NLRP11: variants seen among roughly 807,000 people sequenced by gnomAD.
NLRP11 encodes the protein NLR family pyrin domain containing 11, also known as NACHT, LRR and PYD domains-containing protein 11.
NLRP11 carries 53 observed loss-of-function variants against 79.3 expected under a neutral mutation model. The ratio of observed to expected loss-of-function variants is 0.67; its 90% CI spans 0.54 to 0.84. NLRP11 has a LOEUF of 0.84. Among genes scored for constraint, NLRP11 ranks in the 40% least tolerant of loss-of-function variants. NLRP11 has a pLI of 0.00. For synonymous variants in NLRP11, 518 were observed against 462.6 expected (o/e 1.12, Z -1.54); for missense variants, 1,264 against 1,255.0 (o/e 1.01, Z -0.11).
chr19:55,818,787 C>G (rs973907423), intron 1 of NLRP11, among the ~76,000 whole-genome samples: 1 of 152,034 alleles, frequency 6.6e-6, no homozygotes, highest in Non-Finnish European at 1.5e-5. Flanking sequence ...GAAAAGAAAT[C>G]TAAGTTATGA....
intron 1 of NLRP11, among the ~76,000 whole-genome samples, chr19:55,827,218 G>A (rs113313992): frequency 7.2e-5 from 10 of 139,010 alleles, no homozygotes; most frequent in Non-Finnish European, 9.2e-5. Flanking sequence ...CCATATGTAG[G>A]AAGCTGAAAC....
chr19:55,831,708 TG>T (rs1982804303), intron 1 of NLRP11, among the ~76,000 whole-genome samples: 1 of 151,878 alleles, frequency 6.6e-6, no homozygotes, highest in Non-Finnish European at 1.5e-5. Context: ...AACATCATGC[TG>T]CACACACTAC....
At chr19:55,822,424 T>C (rs972564939) in intron 1 of NLRP11, among the ~76,000 whole-genome samples, 6 of 152,138 alleles carry the variant, frequency 3.9e-5, no homozygotes, top group African/African-American at 1.4e-4. Context: ...GATGGCCGAA[T>C]AGGAACAGCT....
chr19:55,832,870 C>G (rs1181410450), upstream of NLRP11: 1 of 152,168 alleles, frequency 6.6e-6, no homozygotes, highest in East Asian at 1.9e-4. Context: ...CGTCACCACT[C>G]TTATTTCAAC....
At chr19:55,791,224 A>G (rs917089860) in intron 7 of NLRP11, among the ~76,000 whole-genome samples, 1 of 152,188 alleles carries the variant, frequency 6.6e-6, no homozygotes, top group Non-Finnish European at 1.5e-5. Context: ...TCTAACCCCT[A>G]TTCTACAGTA....
intron 9 of NLRP11, 100 bp downstream of exon 9, chr19:55,788,707 T>C: frequency 1.2e-6 from 1 of 832,852 alleles, no homozygotes; most frequent in South Asian, 1.9e-5. Context: ...GCCACTGCAC[T>C]CCAGCCTGGG....
Position 55,809,511 on chromosome 19 carries a change from T to A in NLRP11, c.1099A>T (p.Thr367Ser), listed in dbSNP as rs975138931. 2 of 1,613,894 alleles carry A rather than the reference T, an allele frequency of 1.2e-6. No homozygotes were observed. The highest frequency in any genetic ancestry group is 1.3e-5 in the African/African-American group (1 of 74,836). ...GCAAGAAAGTGGGCATGTAGATCAGTGGGTGTTTGGCAGCAGAGCTGGAAG... is the reference window on the plus strand; with the variant it reads ...GCAAGAAAGTGGGCATGTAGATCAGAGGGTGTTTGGCAGCAGAGCTGGAAG... The change falls in exon 3 of 10, where the codon ACT becomes TCT. Residue 367 changes from threonine (T) to serine (S), a missense_variant. Transcript: ENST00000589093. This position sits in a 1 kb window ranked among gnomAD's most constrained non-coding sequence, Gnocchi z 4.5.
At chr19:55,833,765 C>CA (rs71182919), upstream of NLRP11, among the ~76,000 whole-genome samples, 5,250 of 23,418 alleles carry the variant, frequency 0.22, 1,521 homozygotes, top group Non-Finnish European at 0.31. Flanking sequence ...GACTCCGTCT[C>CA]AAAAAAAAAA....
Position 55,791,306 on chromosome 19 carries a change from T to C in NLRP11, c.2513+995A>G, listed in dbSNP as rs569122122. The stretch of plus-strand genomic sequence containing the variant: ...AAAAAAGGGAGGGTGAGTTATATTA[T>C]TTTCCCCAAGGCAGCTTTCCCTAAA... On this transcript the variant is annotated intron_variant, in intron 7 of 9. Transcript: ENST00000589093. 3.9e-5 allele frequency among the ~76,000 whole-genome samples: 6 copies of C among 152,288 alleles called. No homozygotes were observed. In the South Asian group the frequency reaches 1.2e-3, roughly 32 times the overall value.
chr19:55,785,889 G>A lies in NLRP11; in HGVS notation c.2856-18C>T. 2 of 1,607,876 alleles carry A rather than the reference G, an allele frequency of 1.2e-6. No homozygotes were observed. Among genetic ancestry groups the A allele is most frequent in the South Asian group, 1.1e-5 (1 of 89,868 alleles). On this transcript the variant is annotated intron_variant, in intron 9 of 9. Transcript: ENST00000589093. ...ATGGAAGCCTGAAGGAAAACAGAGA[G>A]AGAACGCCGTTAATGCTACATGTGA...
At chr19:55,795,848 C>CT (rs1368640481) in intron 6 of NLRP11, among the ~76,000 whole-genome samples, 2 of 152,208 alleles carry the variant, frequency 1.3e-5, no homozygotes, top group Non-Finnish European at 2.9e-5. Context: ...TATGACTCCA[C>CT]TGTCCAGATT....
chr19:55,796,792 G>A (rs192492659), intron 5 of NLRP11, among the ~76,000 whole-genome samples: 69 of 151,728 alleles, frequency 4.5e-4, no homozygotes, highest in African/African-American at 9.0e-4. Flanking sequence ...GTTTTTAAGC[G>A]ATTCTCCTGC....
chr19:55,817,818 TA>T, intron 2 of NLRP11, 85 bp downstream of exon 2: 19 of 899,328 alleles, frequency 2.1e-5, no homozygotes, highest in Non-Finnish European at 2.5e-5. Flanking sequence ...GAAACCTATT[TA>T]GAAAAAAAAA....
At chr19:55,786,382 G>T (rs1008895766) in intron 9 of NLRP11, among the ~76,000 whole-genome samples, 1 of 152,092 alleles carries the variant, frequency 6.6e-6, no homozygotes, top group Non-Finnish European at 1.5e-5. Context: ...AAACTTAGCC[G>T]GGTGTGGTGG....
At chr19:55,829,740 G>A (rs1982570556) in intron 1 of NLRP11, among the ~76,000 whole-genome samples, 1 of 149,570 alleles carries the variant, frequency 6.7e-6, no homozygotes, top group South Asian at 2.1e-4. Flanking sequence ...ACAGAAGTAT[G>A]AACTGTTTGA....
chr19:55,814,923 C>T (rs1980941511), intron 2 of NLRP11, among the ~76,000 whole-genome samples: 1 of 152,138 alleles, frequency 6.6e-6, no homozygotes, highest in African/African-American at 2.4e-5. Context: ...GGTGAGTGAG[C>T]AAGAGTCCCC....
intron 1 of NLRP11, among the ~76,000 whole-genome samples, chr19:55,830,954 G>A (rs1040803064): frequency 6.6e-6 from 1 of 152,152 alleles, no homozygotes; most frequent in Admixed American, 6.5e-5. Context: ...AAAAACCCCA[G>A]TGTCCCGAAA....
At chr19:55,788,712 C>T in intron 9 of NLRP11, 95 bp downstream of exon 9, 1 of 881,800 alleles carries the variant, frequency 1.1e-6, no homozygotes, top group Non-Finnish European at 1.6e-6. Flanking sequence ...TGCACTCCAG[C>T]CTGGGCAACA....
intron 2 of NLRP11, among the ~76,000 whole-genome samples, chr19:55,814,831 C>T (rs8101276): frequency 0.1 from 15,683 of 152,098 alleles, 1,227 homozygotes; most frequent in African/African-American, 0.21. Context: ...ACACAACCCA[C>T]GGAGAACAGA....
Sources: gnomAD v4.1 joint callset for allele counts (sites outside exome capture counted in the v4.1 genomes callset) on GRCh38, gnomAD v4.1.1 for gene constraint, Gnocchi (gnomAD v3.1) non-coding constraint, MANE v1.5 for transcripts, NCBI Gene and HGNC (gene_info 2026-07-23, HGNC 2026-07-21) for gene names.